The following NOTCH1 variants were observed in gnomAD, a reference collection of about 807,000 sequenced individuals.
The protein encoded by NOTCH1 is notch receptor 1, also known as neurogenic locus notch homolog protein 1.
A neutral mutation model predicts 254.8 loss-of-function variants in NOTCH1; 37 were observed. The ratio of observed to expected loss-of-function variants is 0.15; its 90% CI spans 0.11 to 0.19. The LOEUF (loss-of-function observed/expected upper bound fraction) is 0.19. Among genes scored for constraint, NOTCH1 ranks in the 10% least tolerant of loss-of-function variants. The pLI, the probability that NOTCH1 is intolerant of heterozygous loss-of-function variation, is 1.00. For synonymous variants in NOTCH1, 1,731 were observed against 1,618.1 expected, an observed-to-expected ratio of 1.07 and a Z score of -1.68; for missense variants, 2,972 against 3,708.6, an observed-to-expected ratio of 0.80 and a Z score of 5.16.
At chr9:136,503,670 G>A (rs1843035120) in intron 26 of NOTCH1, among the ~76,000 whole-genome samples, 1 of 152,194 alleles carries the variant, frequency 6.6e-6, no homozygotes, top group African/African-American at 2.4e-5. Flanking sequence ...CCTCCCCCAG[G>A]AGCCATCCCC....
intron 2 of NOTCH1, among the ~76,000 whole-genome samples, chr9:136,531,606 G>A (rs540453107): frequency 4.6e-5 from 7 of 152,232 alleles, no homozygotes; most frequent in East Asian, 3.9e-4. Flanking sequence ...CCAGCCTCCC[G>A]CTCCCCTTCC....
intron 2 of NOTCH1, among the ~76,000 whole-genome samples, chr9:136,527,984 AAGC>A (rs1843494884): frequency 6.6e-6 from 1 of 152,078 alleles, no homozygotes; most frequent in South Asian, 2.1e-4. Flanking sequence ...CGACTCCAGA[AAGC>A]AGCAGGAGGC....
intron 5 of NOTCH1, among the ~76,000 whole-genome samples, chr9:136,519,099 C>A (rs1356022003): frequency 6.6e-6 from 1 of 152,250 alleles, no homozygotes; most frequent in Non-Finnish European, 1.5e-5. Flanking sequence ...GTCTGTTCAT[C>A]CAGGCATCCC....
chr9:136,517,183 G>T (rs757202516), intron 9 of NOTCH1, 89 bp downstream of exon 9: 1 of 772,296 alleles, frequency 1.3e-6, no homozygotes, highest in Non-Finnish European at 2.1e-6. Context: ...CAGATGGCCC[G>T]GGGGCAGGGG....
chr9:136,497,533 G>A lies in NOTCH1; in HGVS notation c.6206C>T (p.Ala2069Val). 6.2e-7 allele frequency: 1 copy of A among 1,607,074 alleles called. No homozygotes were observed. The highest frequency in any genetic ancestry group is 8.5e-7 in the Non-Finnish European group (1 of 1,177,268). The change falls in exon 34 of 34, where the codon GCC (alanine) becomes GTC (valine). Residue 2069 changes from alanine to valine, a missense_variant. Transcript: ENST00000651671. Reference sequence around the variant, plus strand: ...GGCGGTCTCGTAGCTGCCCTCCCGGGCGGCCAGAAACAGGGGTGTCTCCTC... The same window carrying A: ...GGCGGTCTCGTAGCTGCCCTCCCGGACGGCCAGAAACAGGGGTGTCTCCTC... ...NREETPLFLA[A>V]REGSYETAKV...
At chr9:136,517,074 G>T (rs1843285628) in intron 9 of NOTCH1, among the ~76,000 whole-genome samples, 198 bp downstream of exon 9, 1 of 150,380 alleles carries the variant, frequency 6.6e-6, no homozygotes. Flanking sequence ...CCAGGAGCAG[G>T]GGACACAACC....
Position 136,545,701 on chromosome 9 carries a change from G to A in NOTCH1, c.61+25C>T, listed in dbSNP as rs1362650044. ...GTTTCCAAAGGGCGCGGAAAGTGGG[G>A]GCTCGCGGGTGGGTGGGCGCCTACC... On this transcript the variant is annotated intron_variant, in intron 1 of 33. Coordinates refer to ENST00000651671, the MANE Select transcript of NOTCH1 (RefSeq NM_017617.5). The surrounding 1 kb of genome is among the most constrained non-coding windows in gnomAD (Gnocchi z 6.8). The A allele has an allele frequency of 1.1e-5, 16 of 1,443,004 alleles. No homozygotes were observed. Among genetic ancestry groups the A allele is most frequent in the Non-Finnish European group, 1.5e-5 (16 of 1,103,230 alleles). 89.4% of individuals were successfully genotyped at this position (1,443,004 alleles called of 1,614,324 possible).
rs199673148 is a variant in NOTCH1 at position 136,497,223 on chromosome 9, C to A, written c.6516G>T (p.Glu2172Asp). ...SSKGLACGSK[E>D]AKDLKARRKK... ...TCCTCCGTGCCTTGAGGTCCTTGGC[C>A]TCCTTGCTTCCACAGGCCAGGCCTT... The change falls in exon 34 of 34, where the codon GAG becomes GAT. Residue 2172 changes from glutamate (E) to aspartate (D), a missense_variant. Glu to Asp is a conservative substitution (Grantham distance 45). Transcript: ENST00000651671. 6.2e-7 allele frequency: 1 copy of A among 1,612,726 alleles called. No individual in the cohort carries two copies. The highest frequency in any genetic ancestry group is 1.3e-5 in the African/African-American group (1 of 75,064).
Position 136,495,272 on chromosome 9 carries a change from G to A in NOTCH1, c.*799C>T. ...ATGCCTACATTTCAAGAACGGGCAG[G>A]GGGCCGGGGTGGTTCTGGAGGGACC... On this transcript the variant is annotated 3_prime_UTR_variant, in exon 34 of 34. Transcript: ENST00000651671. 2 of 399,020 alleles carry A rather than the reference G, an allele frequency of 5.0e-6. No individual in the cohort carries two copies. The highest frequency in any genetic ancestry group is 8.8e-5 in the Admixed American group (2 of 22,742). The allele number at this position is 399,020 out of a possible 1,614,324, so 24.7% of individuals were successfully genotyped here. A position where few individuals can be genotyped will look rare whatever the true frequency, so the allele number is the denominator to read the frequency against.
Position 136,503,344 on chromosome 9 carries a change from CAG to C in NOTCH1, c.5019-16_5019-15del, listed in dbSNP as rs748274615. 5 of 1,611,932 alleles carry C rather than the reference CAG, an allele frequency of 3.1e-6. No homozygotes were observed. Among genetic ancestry groups the C allele is most frequent in the South Asian group, 1.1e-5 (1 of 91,070 alleles). ...TAGACGATGGAGCTGGGCGGACAATCAGAGAGGGGCTGGGACCCGAGGCTTCC... is the reference window on the plus strand; with the variant it reads ...TAGACGATGGAGCTGGGCGGACAATCAGAGGGGCTGGGACCCGAGGCTTCC... On this transcript the variant is annotated splice_polypyrimidine_tract_variant and intron_variant, in intron 26 of 33. Coordinates refer to ENST00000651671, the MANE Select transcript of NOTCH1 (RefSeq NM_017617.5).
Position 136,506,847 on chromosome 9 carries a change from G to C in NOTCH1, c.3770C>G (p.Pro1257Arg), listed in dbSNP as rs200245794. Residue 1257 changes from proline (P) to arginine (R), a missense_variant, in exon 23 of 34, where the codon CCG (proline) becomes CGG (arginine). Transcript: ENST00000651671. This position sits in a 1 kb window ranked among gnomAD's most constrained non-coding sequence, Gnocchi z 4.5. ...CTCACAGCGCTCACCCACGAAGCCC[G>C]GCGGGCAGGTGCAGCTGTAGCCGCC... is the stretch of plus-strand genomic sequence containing the variant. ...QVGGYSCTCP[P>R]GFVGERCEGD... 3 of 1,611,910 alleles carry C rather than the reference G, an allele frequency of 1.9e-6. No homozygotes were observed. Among genetic ancestry groups the C allele is most frequent in the Non-Finnish European group, 2.5e-6 (3 of 1,179,592 alleles).
intron 2 of NOTCH1, among the ~76,000 whole-genome samples, chr9:136,527,066 GAA>G (rs1363758788): frequency 6.6e-6 from 1 of 152,254 alleles, no homozygotes; most frequent in African/African-American, 2.4e-5. Flanking sequence ...CGAGCCTGGA[GAA>G]AGTTTTGAGC....
chr9:136,536,358 GCT>G (rs1843657257), intron 2 of NOTCH1, among the ~76,000 whole-genome samples: 2 of 152,192 alleles, frequency 1.3e-5, no homozygotes, highest in Admixed American at 1.3e-4. Context: ...CAGGTTCCTA[GCT>G]CTCTCCTGTC....
At position 136,505,109 on chromosome 9, in the gene NOTCH1, G is replaced by C. The variant is rs780617240; in HGVS notation, c.4587-5C>G. On this transcript the variant is annotated splice_region_variant and splice_polypyrimidine_tract_variant and intron_variant, in intron 25 of 33. Transcript: ENST00000651671. ...CAGTACTGGTCGTACAGGGGGCTGTGGGGGGCGGGACACGCTCAGGCCGCC... is the reference window on the plus strand; with the variant it reads ...CAGTACTGGTCGTACAGGGGGCTGTCGGGGGCGGGACACGCTCAGGCCGCC... The C allele has an allele frequency of 5.6e-6, 9 of 1,606,940 alleles. No homozygotes were observed. The African/African-American group carries it at 8.0e-5, about 14-fold the overall frequency.
rs7864720 is a variant in NOTCH1 at position 136,509,720 on chromosome 9, G to A, written c.2969+13C>T. On this transcript the variant is annotated intron_variant, in intron 18 of 33. Coordinates refer to ENST00000651671, the MANE Select transcript of NOTCH1 (RefSeq NM_017617.5). ...CCCGTTCCCTTCCACGGCCTCACTCGAGCCCCGCACACCTCTCTGTGCAGT... is the reference window on the plus strand; with the variant it reads ...CCCGTTCCCTTCCACGGCCTCACTCAAGCCCCGCACACCTCTCTGTGCAGT... The A allele has an allele frequency of 1.4e-3, 2,273 of 1,610,910 alleles. 37 individuals carry two copies. In the African/African-American group the frequency reaches 0.025, roughly 18 times the overall value.
At chr9:136,503,395 G>C (rs547410149) in intron 26 of NOTCH1, 65 bp from the exon 27 acceptor site, 4 of 1,608,586 alleles carry the variant, frequency 2.5e-6, no homozygotes, top group Non-Finnish European at 3.4e-6. Flanking sequence ...ACCGGCCAGG[G>C]ATGCTGCCGC....
chr9:136,502,030 C>T lies in NOTCH1; in HGVS notation c.5443G>A (p.Asp1815Asn), dbSNP rs1291139638. The change falls in exon 29 of 34, where the codon GAC (aspartate) becomes AAC (asparagine). Residue 1815 changes from aspartate (D) to asparagine (N), a missense_variant. By Grantham distance (23) the Asp-to-Asn change is conservative. Around this residue, in one of 8 missense-constraint regions of NOTCH1, gnomAD observed 421 missense variants for 604.4 expected, o/e 0.70. Coordinates refer to ENST00000651671, the MANE Select transcript of NOTCH1 (RefSeq NM_017617.5). ...AACTTCTTGGTCTCCAGGTCCTCGTCCCCCCACTCATTCTGGTTGTCGTCC... is the reference window on the plus strand; with the variant it reads ...AACTTCTTGGTCTCCAGGTCCTCGTTCCCCCACTCATTCTGGTTGTCGTCC... ...LMDDNQNEWG[D>N]EDLETKKFRF... The T allele has an allele frequency of 1.2e-6, 2 of 1,613,114 alleles. No homozygotes were observed.
chr9:136,533,785 C>T (rs1203121735), intron 2 of NOTCH1, among the ~76,000 whole-genome samples: 3 of 152,280 alleles, frequency 2.0e-5, no homozygotes, highest in Non-Finnish European at 4.4e-5. Context: ...GCTCCAGCCT[C>T]CTACTAGGGC....
rs2133322732 is a variant in NOTCH1 at position 136,499,155 on chromosome 9, G to A, written c.6039C>T (p.Asp2013=). The A allele has an allele frequency of 6.2e-7, 1 of 1,613,328 alleles. No individual in the cohort carries two copies. Among genetic ancestry groups the A allele is most frequent in the Non-Finnish European group, 8.5e-7 (1 of 1,180,006 alleles). Residue 2013 remains aspartate (D), a synonymous_variant, in exon 32 of 34, where the codon GAC becomes GAT. Coordinates refer to ENST00000651671, the MANE Select transcript of NOTCH1 (RefSeq NM_017617.5). The part of the protein sequence containing the change: ...ARLAVEGMLE[D]LINSHADVNA... ...TGACGTCGGCGTGTGAGTTGATGAG[G>A]TCCTCCAGCATGCCCTCCACGGCCA...
Sources: allele counts gnomAD v4.1 joint callset (sites outside exome capture counted in the v4.1 genomes callset), GRCh38; gene constraint gnomAD v4.1.1; regional missense constraint gnomAD v4.1.1; non-coding constraint Gnocchi (gnomAD v3.1); transcripts MANE v1.5; gene names NCBI Gene and HGNC (gene_info 2026-07-23, HGNC 2026-07-21).